Variants in RANBP2 observed in about 807,000 individuals in gnomAD.
The protein encoded by RANBP2 is RAN binding protein 2.
RANBP2 carries 57 observed loss-of-function variants against 303.6 expected under a neutral mutation model. The observed-to-expected ratio is 0.19, with a 90% CI of 0.15 to 0.23. The LOEUF (loss-of-function observed/expected upper bound fraction) is 0.23. RANBP2 is among the 10% of genes least tolerant of loss of function. The pLI, the probability that RANBP2 is intolerant of heterozygous loss-of-function variation, is 1.00. For missense variants in RANBP2, 3,138 were observed against 3,780.8 expected, an observed-to-expected ratio of 0.83 and a Z score of 4.46; for synonymous variants, 1,167 against 1,301.5, an observed-to-expected ratio of 0.90 and a Z score of 2.23.
the RANBP2 span, among the ~76,000 whole-genome samples, chr2:108,890,837 T>G: frequency 1.3e-5 from 2 of 152,206 alleles, no homozygotes; most frequent in Non-Finnish European, 2.9e-5. Flanking sequence ...CCAAGTGTCA[T>G]GAAGGCTTTA....
chr2:108,775,733 A>G lies in RANBP2; in HGVS notation c.8294A>G (p.Lys2765Arg), dbSNP rs1002922685. The G allele has an allele frequency of 6.2e-7, 1 of 1,613,640 alleles. No homozygotes were observed. The highest frequency in any genetic ancestry group is 1.1e-5 in the South Asian group (1 of 91,078). The stretch of plus-strand genomic sequence containing the variant: ...TATTTTGTGACTTCCTCTTTGCAGA[A>G]ATCTCAGACAGAAGAAATAACTAGC... ...SELQKVQEAQKSQTEEITSTT... is the reference protein window; with the variant it reads ...SELQKVQEAQRSQTEEITSTT... Residue 2765 changes from lysine (K) to arginine (R), a missense_variant and splice_region_variant, in exon 24 of 29, where the codon AAA becomes AGA. By Grantham distance (26) the Lys-to-Arg change is conservative. Transcript: ENST00000283195.
chr2:109,324,926 G>A, the RANBP2 span, among the ~76,000 whole-genome samples: 1 of 152,282 alleles, frequency 6.6e-6, no homozygotes, highest in Admixed American at 6.5e-5. Flanking sequence ...CTCTCCTCTT[G>A]CCATTCCTAT....
At chr2:109,418,265 C>G in the RANBP2 span, among the ~76,000 whole-genome samples, 1 of 152,096 alleles carries the variant, frequency 6.6e-6, no homozygotes, top group African/African-American at 2.4e-5. Context: ...GGAGGTGGAC[C>G]CCTTCCTCCT....
At chr2:109,221,256 T>G in the RANBP2 span, among the ~76,000 whole-genome samples, 1 of 152,168 alleles carries the variant, frequency 6.6e-6, no homozygotes, top group African/African-American at 2.4e-5. Context: ...CCATTCTAAC[T>G]GGGTGGAGGT....
chr2:109,341,559 T>G, the RANBP2 span, among the ~76,000 whole-genome samples: 133 of 152,346 alleles, frequency 8.7e-4, no homozygotes, highest in Non-Finnish European at 1.5e-3. Context: ...TAAGCTGAGC[T>G]GTGAATGAGA....
At chr2:109,277,150 C>G in the RANBP2 span, among the ~76,000 whole-genome samples, 1 of 152,140 alleles carries the variant, frequency 6.6e-6, no homozygotes, top group African/African-American at 2.4e-5. Context: ...GGCAGGTCAG[C>G]CTTCTGTATC....
At chr2:108,927,078 C>G in the RANBP2 span, among the ~76,000 whole-genome samples, 57 of 152,166 alleles carry the variant, frequency 3.7e-4, no homozygotes, top group African/African-American at 1.4e-3. Context: ...TTGGGACTGG[C>G]AGTGAGGCTT....
At chr2:109,444,442 A>C in the RANBP2 span, among the ~76,000 whole-genome samples, 2 of 152,178 alleles carry the variant, frequency 1.3e-5, no homozygotes, top group African/African-American at 2.4e-5. Context: ...CCTGCAGGAG[A>C]ATATGGACAG....
At chr2:108,960,205 G>A in the RANBP2 span, among the ~76,000 whole-genome samples, 2 of 152,154 alleles carry the variant, frequency 1.3e-5, no homozygotes, top group South Asian at 2.1e-4. Flanking sequence ...AGTTCTCCCC[G>A]GGGCTGCAGT....
At position 108,755,944 on chromosome 2, in the gene RANBP2, G is replaced by A. The variant is rs188114809; in HGVS notation, c.2466+685G>A. 1.8e-3 allele frequency among the ~76,000 whole-genome samples: 279 copies of A among 151,902 alleles called. 3 individuals carry two copies. The highest frequency in any genetic ancestry group is 4.2e-3 in the South Asian group (20 of 4,804). ...TCACCATGTTGGCCAAGCTGTTTTT[G>A]AACTTCTGACCTCAGGTGATCTGCC... On this transcript the variant is annotated intron_variant, in intron 17 of 28. Transcript: ENST00000283195.
the RANBP2 span, among the ~76,000 whole-genome samples, chr2:108,966,235 G>C: frequency 6.6e-6 from 1 of 152,212 alleles, no homozygotes; most frequent in Non-Finnish European, 1.5e-5. Flanking sequence ...TGCCTTGCAT[G>C]TTGTTGCCTA....
the RANBP2 span, among the ~76,000 whole-genome samples, chr2:109,198,768 T>G: frequency 6.6e-6 from 1 of 152,196 alleles, no homozygotes; most frequent in Non-Finnish European, 1.5e-5. Context: ...CCTCACCTCC[T>G]GATACCAAAC....
the RANBP2 span, among the ~76,000 whole-genome samples, chr2:109,131,915 T>C: frequency 6.6e-6 from 1 of 152,236 alleles, no homozygotes; most frequent in African/African-American, 2.4e-5. Context: ...GTATTCACAC[T>C]ACACTAGCAC....
chr2:109,088,091 C>T, the RANBP2 span, among the ~76,000 whole-genome samples: 97 of 152,134 alleles, frequency 6.4e-4, no homozygotes, highest in African/African-American at 2.2e-3. Flanking sequence ...GGTGAAACCT[C>T]GTCTCTACTA....
chr2:108,910,741 G>A, the RANBP2 span: 12 of 1,608,780 alleles, frequency 7.5e-6, no homozygotes, highest in East Asian at 2.2e-5. Context: ...GATGGGCACC[G>A]TGCACATGGT....
At position 108,764,448 on chromosome 2, in the gene RANBP2, C is replaced by A; in HGVS notation, c.3909C>A (p.Ser1303Arg). Reference sequence around the variant, plus strand: ...AATGCAAGTTTGAAGAAGCCCAGAGCATTTTAAAAGCCCCAGGAACAAATG... The same window carrying A: ...AATGCAAGTTTGAAGAAGCCCAGAGAATTTTAAAAGCCCCAGGAACAAATG... ...LFKCKFEEAQ[S>R]ILKAPGTNVA... is the part of the protein sequence containing the mutation. Residue 1303 changes from serine (S) to arginine (R), a missense_variant, in exon 20 of 29, where the codon AGC (serine) becomes AGA (arginine). Physicochemically the swap from Ser to Arg is moderately radical, Grantham distance 110. Around this residue, in one of 20 missense-constraint regions of RANBP2, gnomAD observed 388 missense variants for 328.5 expected, o/e 1.18. Coordinates refer to ENST00000283195, the MANE Select transcript of RANBP2 (RefSeq NM_006267.5). 6.2e-7 allele frequency: 1 copy of A among 1,613,934 alleles called. No individual in the cohort carries two copies. The highest frequency in any genetic ancestry group is 8.5e-7 in the Non-Finnish European group (1 of 1,179,984).
chr2:109,348,833 C>G, the RANBP2 span, among the ~76,000 whole-genome samples: 1 of 152,144 alleles, frequency 6.6e-6, no homozygotes, highest in Non-Finnish European at 1.5e-5. Context: ...CCGCCGCCCC[C>G]AGATGTAAAT....
At chr2:108,879,818 A>G in the RANBP2 span, among the ~76,000 whole-genome samples, 2 of 152,142 alleles carry the variant, frequency 1.3e-5, no homozygotes, top group Non-Finnish European at 2.9e-5. Flanking sequence ...TTTTACCCAT[A>G]TTAGAGTTGT....
the RANBP2 span, among the ~76,000 whole-genome samples, chr2:109,135,574 C>T: frequency 6.6e-6 from 1 of 152,204 alleles, no homozygotes; most frequent in Non-Finnish European, 1.5e-5. Context: ...TGAGGCACAC[C>T]TCAGAGTGCC....
Sources: gnomAD v4.1 joint callset for allele counts (sites outside exome capture counted in the v4.1 genomes callset) on GRCh38, gnomAD v4.1.1 for gene constraint, gnomAD v4.1.1 regional missense constraint, MANE v1.5 for transcripts, NCBI Gene and HGNC (gene_info 2026-07-23, HGNC 2026-07-21) for gene names.